Variants in ITIH4 observed in about 807,000 individuals in gnomAD.
ITIH4 encodes the protein inter-alpha-trypsin inhibitor heavy chain 4, also known as inter-alpha-trypsin inhibitor heavy chain H4.
Under a neutral mutation model 111.8 loss-of-function variants are expected in ITIH4, and 79 were observed. The observed-to-expected ratio is 0.71, with a 90% confidence interval of 0.59 to 0.85. The LOEUF is 0.85. Ranked by LOEUF, ITIH4 falls within the 40% of genes least tolerant of loss-of-function variation. The probability of loss-of-function intolerance (pLI) is 0.00; values close to 1 mark genes in which losing one functional copy is unlikely to be tolerated. For synonymous variants in ITIH4, 472 were observed against 468.3 expected (o/e 1.01, Z -0.10); for missense variants, 1,065 against 1,195.8 (o/e 0.89, Z 1.61).
At chr3:52,829,011 T>G in intron 2 of ITIH4, 108 bp downstream of exon 2, 2 of 1,023,356 alleles carry the variant, frequency 2.0e-6, no homozygotes, top group Non-Finnish European at 2.8e-6. Flanking sequence ...CTCCTGAAGA[T>G]GTACACCCTG....
At chr3:52,826,061 G>A (rs1700475430) in intron 5 of ITIH4, 47 bp from the exon 6 acceptor site, 1 of 1,611,166 alleles carries the variant, frequency 6.2e-7, no homozygotes, top group Non-Finnish European at 8.5e-7. Context: ...GCAAAGCCAG[G>A]CCAACAACAC....
Position 52,824,279 on chromosome 3 carries a change from T to C in ITIH4, c.1082A>G (p.Gln361Arg). The change falls in exon 9 of 24, where the codon CAG becomes CGG. Residue 361 changes from glutamine to arginine, a missense_variant. Gln to Arg is a conservative substitution (Grantham distance 43). Transcript: ENST00000266041. The surrounding 1 kb of genome is among the most constrained non-coding windows in gnomAD (Gnocchi z 4.3). ...CTCCTGGTTGCTGCTGTCCAGCAAC[T>C]GCACAGCCATCAGCATTGCATCATT... ...NINDAMLMAV[Q>R]LLDSSNQEER... 1 of 1,613,684 alleles carries C rather than the reference T, an allele frequency of 6.2e-7. No individual in the cohort carries two copies. The highest frequency in any genetic ancestry group is 8.5e-7 in the Non-Finnish European group (1 of 1,179,994).
At chr3:52,827,751 T>C (rs748590760) in intron 2 of ITIH4, among the ~76,000 whole-genome samples, 4 of 152,208 alleles carry the variant, frequency 2.6e-5, no homozygotes, top group Non-Finnish European at 5.9e-5. Context: ...ATAGGGAGGC[T>C]GGCATATCTG....
chr3:52,816,760 C>T (rs1394327824), intron 21 of ITIH4, 124 bp downstream of exon 21: 7 of 915,136 alleles, frequency 7.6e-6, no homozygotes, highest in Admixed American at 6.4e-5. Context: ...TGTCTCTTTG[C>T]CCCTCCTGTG....
chr3:52,824,035 A>G lies in ITIH4; in HGVS notation c.1172-31T>C, dbSNP rs1347402831. 1 of 1,543,472 alleles carries G rather than the reference A, an allele frequency of 6.5e-7. No homozygotes were observed. The highest frequency in any genetic ancestry group is 1.4e-5 in the African/African-American group (1 of 72,762). On this transcript the variant is annotated intron_variant, in intron 9 of 23. Transcript: ENST00000266041. The surrounding 1 kb of genome is among the most constrained non-coding windows in gnomAD (Gnocchi z 4.3). ...CCCAGGGGTTTGGGATGAGGGTGAGAAAATAGTGATTTGCTTGAAGAATAT... is the reference window on the plus strand; with the variant it reads ...CCCAGGGGTTTGGGATGAGGGTGAGGAAATAGTGATTTGCTTGAAGAATAT...
At chr3:52,820,601 G>C (rs1484734754) in intron 13 of ITIH4, 30 bp downstream of exon 13, 4 of 1,584,332 alleles carry the variant, frequency 2.5e-6, no homozygotes. Flanking sequence ...TCTGCTACCT[G>C]GGAGGCTGAG....
At chr3:52,825,493 G>A (rs1337258043) in intron 6 of ITIH4, among the ~76,000 whole-genome samples, 1 of 151,762 alleles carries the variant, frequency 6.6e-6, no homozygotes, top group African/African-American at 2.4e-5. Flanking sequence ...AGCTACTAGG[G>A]AGGCCGAGGC....
intron 5 of ITIH4, 95 bp downstream of exon 5, chr3:52,826,446 G>A (rs762935457): frequency 3.3e-6 from 3 of 898,574 alleles, no homozygotes; most frequent in Non-Finnish European, 5.5e-6. Flanking sequence ...TCACAGGAGG[G>A]AGAGCCCATC....
Position 52,828,311 on chromosome 3 carries a change from G to A in ITIH4, c.251+808C>T, listed in dbSNP as rs372346009. Among the ~76,000 whole-genome samples the A allele has an allele frequency of 3.2e-3, 494 of 152,370 alleles. 3 individuals are homozygous for A. The highest frequency in any genetic ancestry group is 6.8e-3 in the Middle Eastern group (2 of 294). The stretch of plus-strand genomic sequence containing the variant: ...TGGGGCTTGCACTGCAAGCTGGGCA[G>A]CATAGGCCCGGGCTCTGGGTTAGGA... On this transcript the variant is annotated intron_variant, in intron 2 of 23. Coordinates refer to ENST00000266041, the MANE Select transcript of ITIH4 (RefSeq NM_002218.5).
chr3:52,827,239 G>GGAGTGGAAT, intron 2 of ITIH4, 42 bp from the exon 3 acceptor site: 2 of 1,517,200 alleles, frequency 1.3e-6, no homozygotes, highest in Non-Finnish European at 1.8e-6. Context: ...CCTGGTGGCA[G>GGAGTGGAAT]GGGCCCATTC....
chr3:52,820,673 C>T lies in ITIH4; in HGVS notation c.1792G>A (p.Asp598Asn). 1 of 1,613,844 alleles carries T rather than the reference C, an allele frequency of 6.2e-7. No homozygotes were observed. Among genetic ancestry groups the T allele is most frequent in the Non-Finnish European group, 8.5e-7 (1 of 1,179,824 alleles). Reference protein sequence around the residue: ...LTSMVVTKPDDQEQSQVAEKP... With the variant: ...LTSMVVTKPDNQEQSQVAEKP... ...TCAGCAACTTGAGACTGCTCTTGGT[C>T]ATCGGGTTTGGTGACTACCATAGAT... The change falls in exon 13 of 24, where the codon GAC (aspartate) becomes AAC (asparagine). Residue 598 changes from aspartate to asparagine, a missense_variant. Coordinates refer to ENST00000266041, the MANE Select transcript of ITIH4 (RefSeq NM_002218.5).
At position 52,830,565 on chromosome 3, in the gene ITIH4, A is replaced by G. The variant is rs769137058; in HGVS notation, c.78T>C (p.Thr26=). 25 of 1,614,134 alleles carry G rather than the reference A, an allele frequency of 1.5e-5. No homozygotes were observed. The highest frequency in any genetic ancestry group is 2.0e-5 in the Non-Finnish European group (24 of 1,179,964). Residue 26 remains threonine, a synonymous_variant, in exon 1 of 24, where the codon ACT becomes ACC. Coordinates refer to ENST00000266041, the MANE Select transcript of ITIH4 (RefSeq NM_002218.5). ...LLSLLAIHQT[T]TAEKNGIDIY... is the part of the protein sequence containing the mutation. ...GGACACTGGCTACCTTTTCGGCAGT[A>G]GTAGTCTGGTGGATGGCCAGCAGTG...
rs1297317546 is a variant in ITIH4 at position 52,825,909 on chromosome 3, C to T, written c.736G>A (p.Ala246Thr). 6.2e-7 allele frequency: 1 copy of T among 1,613,840 alleles called. No homozygotes were observed. Among genetic ancestry groups the T allele is most frequent in the African/African-American group, 1.3e-5 (1 of 74,918 alleles). The stretch of plus-strand genomic sequence containing the variant: ...ACCTGAATGGAGCCCCCGGAGATGG[C>T]CCGGTCCACATCATAGCGGATAATG... ...NLIIRYDVDR[A>T]ISGGSIQIEN... Residue 246 changes from alanine to threonine, a missense_variant, in exon 6 of 24, where the codon GCC becomes ACC. Ala to Thr is a moderately conservative substitution (Grantham distance 58). Transcript: ENST00000266041.
In ITIH4 at chr3:52,816,885, C is replaced by A; in HGVS notation, c.2470G>T (p.Gly824Cys). ...CCCGGGCTCCAGCCTGGGCCTTACC[C>A]GGGCATCACTGAGAATAGCGTCTCC... Reference protein sequence around the residue: ...WKETLFSVMPGLKMTMDKTGL... With the variant: ...WKETLFSVMPCLKMTMDKTGL... Residue 824 changes from glycine to cysteine, a missense_variant and splice_region_variant, in exon 21 of 24, where the codon GGC becomes TGC. Coordinates refer to ENST00000266041, the MANE Select transcript of ITIH4 (RefSeq NM_002218.5). 6.2e-7 allele frequency: 1 copy of A among 1,613,076 alleles called. No homozygotes were observed. The highest frequency in any genetic ancestry group is 1.1e-5 in the South Asian group (1 of 90,874).
intron 6 of ITIH4, chr3:52,825,445 AAAAT>A: frequency 6.5e-6 from 1 of 154,070 alleles, no homozygotes; most frequent in Non-Finnish European, 1.4e-5. Context: ...AAAAAAAAAA[AAAAT>A]TAGCCAGGTG....
chr3:52,818,428 C>G (rs772367809), intron 18 of ITIH4, 34 bp downstream of exon 18: 1 of 1,587,672 alleles, frequency 6.3e-7, no homozygotes, highest in Non-Finnish European at 8.6e-7. Flanking sequence ...CCAGGATCCC[C>G]CTGTTAGGAC....
chr3:52,825,131 C>G (rs1182252924), intron 6 of ITIH4, 173 bp from the exon 7 acceptor site: 1 of 440,184 alleles, frequency 2.3e-6, no homozygotes, highest in Non-Finnish European at 4.0e-6. Flanking sequence ...CAGCCCCTTT[C>G]TTGCGGAAGC....
chr3:52,815,276 C>T (rs2154111105), intron 21 of ITIH4, among the ~76,000 whole-genome samples: 1 of 148,064 alleles, frequency 6.8e-6, no homozygotes, highest in South Asian at 2.1e-4. Context: ...CGGAGTCTCG[C>T]TCTGTCGCCC....
Position 52,816,975 on chromosome 3 carries a change from C to A in ITIH4, c.2380G>T (p.Val794Phe), listed in dbSNP as rs1178946801. ...EVTFKNPLVWVHASPEHVVVT... is the reference protein window; with the variant it reads ...EVTFKNPLVWFHASPEHVVVT... ...ACCACGTGTTCAGGGGATGCGTGAA[C>A]CCATACCAGGGGGTTCTTGAAGGTC... is the stretch of plus-strand genomic sequence containing the variant. The change falls in exon 21 of 24, where the codon GTT becomes TTT. Residue 794 changes from valine (V) to phenylalanine (F), a missense_variant. Physicochemically the swap from Val to Phe is conservative, Grantham distance 50 (BLOSUM62 -1). Coordinates refer to ENST00000266041, the MANE Select transcript of ITIH4 (RefSeq NM_002218.5). The A allele has an allele frequency of 6.2e-7, 1 of 1,613,896 alleles. No homozygotes were observed. Among genetic ancestry groups the A allele is most frequent in the Non-Finnish European group, 8.5e-7 (1 of 1,179,968 alleles).
Sources: gnomAD v4.1 joint callset for allele counts (sites outside exome capture counted in the v4.1 genomes callset) on GRCh38, gnomAD v4.1.1 for gene constraint, Gnocchi (gnomAD v3.1) non-coding constraint, MANE v1.5 for transcripts, NCBI Gene and HGNC (gene_info 2026-07-23, HGNC 2026-07-21) for gene names.